The following NOTCH1 variants were observed in gnomAD, a reference collection of about 807,000 sequenced individuals.
NOTCH1 encodes the protein notch receptor 1.
NOTCH1 carries 37 observed loss-of-function variants against 254.8 expected under a neutral mutation model. That is an observed-to-expected ratio of 0.15 (90% CI 0.11 to 0.19). NOTCH1 has a LOEUF of 0.19. Ranked by LOEUF, NOTCH1 falls within the 10% of genes least tolerant of loss-of-function variation. The pLI, the probability that NOTCH1 is intolerant of heterozygous loss-of-function variation, is 1.00. For synonymous variants in NOTCH1, 1,731 were observed against 1,618.1 expected, an observed-to-expected ratio of 1.07 and a Z score of -1.68; for missense variants, 2,972 against 3,708.6, an observed-to-expected ratio of 0.80 and a Z score of 5.16.
chr9:136,526,399 C>T (rs926864481), intron 2 of NOTCH1, among the ~76,000 whole-genome samples: 7 of 152,188 alleles, frequency 4.6e-5, no homozygotes, highest in East Asian at 1.9e-4. Context: ...AGAGGGCGCT[C>T]GGTCATCAAA....
In NOTCH1 at chr9:136,495,612, G is replaced by A. The variant is rs959033429; in HGVS notation, c.*459C>T. 2.0e-5 allele frequency: 8 copies of A among 399,816 alleles called. No homozygotes were observed. Among genetic ancestry groups the A allele is most frequent in the Admixed American group, 4.4e-5 (1 of 22,852 alleles). The allele number at this position is 399,816 out of a possible 1,614,324, so 24.8% of individuals were successfully genotyped here. A position where few individuals can be genotyped will look rare whatever the true frequency, so the allele number is the denominator to read the frequency against. On this transcript the variant is annotated 3_prime_UTR_variant, in exon 34 of 34. Transcript: ENST00000651671. ...GCTGGCTTGGGGTTGGGTGGGCGTC[G>A]GGGAAAGGGCGCGGCCTGGACGCCC...
chr9:136,541,757 C>T (rs1843736031), intron 2 of NOTCH1, among the ~76,000 whole-genome samples: 1 of 152,262 alleles, frequency 6.6e-6, no homozygotes. Context: ...TGAGCCCTGA[C>T]CTGTGCCTCC....
intron 31 of NOTCH1, among the ~76,000 whole-genome samples, chr9:136,499,635 G>A (rs999150575): frequency 1.3e-5 from 2 of 152,156 alleles, no homozygotes; most frequent in Non-Finnish European, 2.9e-5. Context: ...CCCTACAGCC[G>A]TCTCAGAACC....
At chr9:136,538,834 C>T (rs558552068) in intron 2 of NOTCH1, among the ~76,000 whole-genome samples, 1 of 152,232 alleles carries the variant, frequency 6.6e-6, no homozygotes. Flanking sequence ...GTGGAGCTGT[C>T]ATCGCTGCAT....
chr9:136,511,505 A>G (rs1481766422), intron 15 of NOTCH1, among the ~76,000 whole-genome samples: 2 of 152,170 alleles, frequency 1.3e-5, no homozygotes, highest in East Asian at 3.9e-4. Context: ...CACGCTCAGA[A>G]GCCACCCCTC....
chr9:136,523,449 C>G (rs967723007), intron 3 of NOTCH1, among the ~76,000 whole-genome samples: 1 of 152,216 alleles, frequency 6.6e-6, no homozygotes, highest in Non-Finnish European at 1.5e-5. Context: ...GGCCAGTGCA[C>G]GGCAGGAGGA....
At chr9:136,507,039 C>G (rs1047429478) in intron 22 of NOTCH1, 66 bp from the exon 23 acceptor site, 1 of 1,570,426 alleles carries the variant, frequency 6.4e-7, no homozygotes, top group Non-Finnish European at 8.6e-7. Context: ...GCCGCGTGTC[C>G]GTCCCGGAAG....
Position 136,515,476 on chromosome 9 carries a change from C to A in NOTCH1, c.1903+7G>T, listed in dbSNP as rs760116150. The A allele has an allele frequency of 1.9e-5, 31 of 1,611,478 alleles. No homozygotes were observed. In the Admixed American group the frequency reaches 5.0e-4, roughly 26 times the overall value. On this transcript the variant is annotated splice_region_variant and intron_variant, in intron 11 of 33. Coordinates refer to ENST00000651671, the MANE Select transcript of NOTCH1 (RefSeq NM_017617.5). Reference sequence around the variant, plus strand: ...GCCCCCCGCCGGCCACCCGCCTGGCCGGCCACCTGTGGTCCCCTTCAGGCA... The same window carrying A: ...GCCCCCCGCCGGCCACCCGCCTGGCAGGCCACCTGTGGTCCCCTTCAGGCA...
chr9:136,534,069 G>A (rs1046870136), intron 2 of NOTCH1, among the ~76,000 whole-genome samples: 2 of 152,232 alleles, frequency 1.3e-5, no homozygotes, highest in African/African-American at 2.4e-5. Context: ...GGCGACCGTC[G>A]GCTTCGTCCT....
rs1163673587 is a variant in NOTCH1 at position 136,496,979 on chromosome 9, C to G, written c.6760G>C (p.Glu2254Gln). Residue 2254 changes from glutamate (E) to glutamine (Q), a missense_variant, in exon 34 of 34, where the codon GAG (glutamate) becomes CAG (glutamine). Physicochemically the swap from Glu to Gln is conservative, Grantham distance 29 (BLOSUM62 2). Around this residue, in one of 8 missense-constraint regions of NOTCH1, gnomAD observed 529 missense variants for 529.2 expected, o/e 1.00. Coordinates refer to ENST00000651671, the MANE Select transcript of NOTCH1 (RefSeq NM_017617.5). Reference sequence around the variant, plus strand: ...CCGCCCCCACCCAGCGCCGCCATCTCGGGCTTGGCCGCCACGTTCAGGTGC... The same window carrying G: ...CCGCCCCCACCCAGCGCCGCCATCTGGGGCTTGGCCGCCACGTTCAGGTGC... ...IGHLNVAAKP[E>Q]MAALGGGGRL... The G allele has an allele frequency of 6.2e-7, 1 of 1,610,416 alleles. No homozygotes were observed. The highest frequency in any genetic ancestry group is 8.5e-7 in the Non-Finnish European group (1 of 1,179,028).
Position 136,496,981 on chromosome 9 carries a change from G to A in NOTCH1, c.6758C>T (p.Pro2253Leu), listed in dbSNP as rs1204397173. The change falls in exon 34 of 34, where the codon CCC becomes CTC. Residue 2253 changes from proline (P) to leucine (L), a missense_variant. Transcript: ENST00000651671. ...GCCCCCACCCAGCGCCGCCATCTCG[G>A]GCTTGGCCGCCACGTTCAGGTGCCC... ...GIGHLNVAAK[P>L]EMAALGGGGR... The A allele has an allele frequency of 5.0e-6, 8 of 1,610,496 alleles. No individual in the cohort carries two copies. Among genetic ancestry groups the A allele is most frequent in the Non-Finnish European group, 6.8e-6 (8 of 1,179,118 alleles).
rs1589052139 is a variant in NOTCH1, at chr9:136,495,890, T to C, written c.*181A>G. Reference sequence around the variant, plus strand: ...ACAGTACATATAAATAAAAAGGCAGTGTTTCTGTGTAAAATAAAAGTACAT... The same window carrying C: ...ACAGTACATATAAATAAAAAGGCAGCGTTTCTGTGTAAAATAAAAGTACAT... On this transcript the variant is annotated 3_prime_UTR_variant, in exon 34 of 34. Coordinates refer to ENST00000651671, the MANE Select transcript of NOTCH1 (RefSeq NM_017617.5). The C allele has an allele frequency of 1.5e-6, 1 of 651,782 alleles. No individual in the cohort carries two copies. Among genetic ancestry groups the C allele is most frequent in the Admixed American group, 3.1e-5 (1 of 31,978 alleles). The allele number at this position is 651,782 out of a possible 1,614,324, so 40.4% of individuals were successfully genotyped here.
intron 26 of NOTCH1, 133 bp from the exon 27 acceptor site, chr9:136,503,463 G>A (rs1843032206): frequency 7.5e-7 from 1 of 1,339,368 alleles, no homozygotes; most frequent in Non-Finnish European, 1.0e-6. Context: ...CTGGGGTGGT[G>A]GGAAGCCAGG....
chr9:136,545,035 G>C lies in NOTCH1; in HGVS notation c.61+691C>G, dbSNP rs1843792751. 6.6e-6 allele frequency among the ~76,000 whole-genome samples: 1 copy of C among 152,266 alleles called. No homozygotes were observed. The highest frequency in any genetic ancestry group is 1.5e-5 in the Non-Finnish European group (1 of 68,000). Reference sequence around the variant, plus strand: ...GACCCCGCTCGCTGTGCGGCGGGGAGAAATGTAAGAGCCCCCCACCCGCGT... The same window carrying C: ...GACCCCGCTCGCTGTGCGGCGGGGACAAATGTAAGAGCCCCCCACCCGCGT... On this transcript the variant is annotated intron_variant, in intron 1 of 33. Coordinates refer to ENST00000651671, the MANE Select transcript of NOTCH1 (RefSeq NM_017617.5). The surrounding 1 kb of genome is among the most constrained non-coding windows in gnomAD (Gnocchi z 6.8).
Position 136,518,582 on chromosome 9 carries a change from G to A in NOTCH1, c.1099+9C>T, listed in dbSNP as rs1057523772. On this transcript the variant is annotated intron_variant, in intron 6 of 33. Transcript: ENST00000651671. ...CCCCCTGCGCCCACCTGGGCCTCAA[G>A]GCACTCACCTGTGCGGCCATGGGGA... The A allele has an allele frequency of 5.9e-5, 95 of 1,609,910 alleles. No individual in the cohort carries two copies. The highest frequency in any genetic ancestry group is 7.8e-5 in the Non-Finnish European group (92 of 1,178,452).
intron 2 of NOTCH1, among the ~76,000 whole-genome samples, chr9:136,541,021 A>G (rs1843725533): frequency 6.6e-6 from 1 of 152,122 alleles, no homozygotes; most frequent in Non-Finnish European, 1.5e-5. Flanking sequence ...CCCCTTGCTC[A>G]CACTGACGGA....
rs968214896 is a variant in NOTCH1 at position 136,545,960 on chromosome 9, G to C, written c.-174C>G. Among the ~76,000 whole-genome samples the C allele has an allele frequency of 2.0e-5, 3 of 147,906 alleles. No homozygotes were observed. The South Asian group carries it at 6.3e-4, about 31-fold the overall frequency. On this transcript the variant is annotated 5_prime_UTR_variant, in exon 1 of 34. Transcript: ENST00000651671. This position sits in a 1 kb window ranked among gnomAD's most constrained non-coding sequence, Gnocchi z 6.8. ...CGCAGGCCCCCGGGCCCGGCTCCGC[G>C]CCCGGCTCGTTCCTTCGCTGCGCTC...
At chr9:136,518,427 T>A in intron 6 of NOTCH1, 135 bp from the exon 7 acceptor site, 1 of 1,275,406 alleles carries the variant, frequency 7.8e-7, no homozygotes, top group Non-Finnish European at 1.1e-6. Context: ...CCGTGACACT[T>A]GGGACGTTCC....
chr9:136,544,236 CAG>C, intron 1 of NOTCH1, 134 bp from the exon 2 acceptor site: 4 of 826,046 alleles, frequency 4.8e-6, no homozygotes, highest in Non-Finnish European at 8.2e-6. Context: ...GCACTCTGCT[CAG>C]TATCATGGGT....
Sources: gnomAD v4.1 joint callset for allele counts (sites outside exome capture counted in the v4.1 genomes callset) on GRCh38, gnomAD v4.1.1 for gene constraint, gnomAD v4.1.1 regional missense constraint, Gnocchi (gnomAD v3.1) non-coding constraint, MANE v1.5 for transcripts, NCBI Gene and HGNC (gene_info 2026-07-23, HGNC 2026-07-21) for gene names.